Variants in GPC5 observed in about 807,000 individuals in gnomAD.
The protein encoded by GPC5 is glypican-5.
Under a neutral mutation model 53.9 loss-of-function variants are expected in GPC5, and 47 were observed. That is an observed-to-expected ratio of 0.87 (90% confidence interval 0.69 to 1.11). The LOEUF is 1.11. Among genes scored for constraint, GPC5 ranks in the 50% most tolerant of loss-of-function variants. The probability of loss-of-function intolerance (pLI) is 0.00; values close to 1 mark genes in which losing one functional copy is unlikely to be tolerated. For missense variants in GPC5, 748 were observed against 713.1 expected, an observed-to-expected ratio of 1.05 and a Z score of -0.56; for synonymous variants, 286 against 263.3, an observed-to-expected ratio of 1.09 and a Z score of -0.84.
chr13:91,605,229 G>GT (rs2033322736), intron 2 of GPC5, among the ~76,000 whole-genome samples: 1 of 138,254 alleles, frequency 7.2e-6, no homozygotes, highest in South Asian at 2.5e-4. Flanking sequence ...CCCATTGCTT[G>GT]TTTTTCTCAG....
At chr13:91,482,529 C>T (rs746238979) in intron 2 of GPC5, among the ~76,000 whole-genome samples, 3 of 152,182 alleles carry the variant, frequency 2.0e-5, no homozygotes, top group South Asian at 2.1e-4. Flanking sequence ...CATTTAGGAA[C>T]ATGTTAGAAA....
chr13:91,986,548 ATCT>A (rs2040410090), intron 6 of GPC5, among the ~76,000 whole-genome samples: 1 of 152,078 alleles, frequency 6.6e-6, no homozygotes, highest in Admixed American at 6.6e-5. Flanking sequence ...TAAGTCCCAG[ATCT>A]TCTACTCTCT....
intron 7 of GPC5, among the ~76,000 whole-genome samples, chr13:92,662,597 A>C (rs975021090): frequency 2.0e-5 from 3 of 152,220 alleles, no homozygotes; most frequent in Non-Finnish European, 4.4e-5. Flanking sequence ...GAGTGCCTAC[A>C]TGATTTTTTC....
chr13:91,840,640 A>G (rs751569518), intron 5 of GPC5, among the ~76,000 whole-genome samples: 2 of 151,892 alleles, frequency 1.3e-5, no homozygotes, highest in Admixed American at 6.6e-5. Flanking sequence ...TTTCATACTT[A>G]CAATGCATTT....
At chr13:92,748,885 G>A (rs1889309915) in intron 7 of GPC5, among the ~76,000 whole-genome samples, 1 of 152,056 alleles carries the variant, frequency 6.6e-6, no homozygotes, top group Admixed American at 6.6e-5. Flanking sequence ...GATGAAAAGG[G>A]ATGAATGAAT....
At chr13:92,774,520 T>A (rs149792735) in intron 7 of GPC5, among the ~76,000 whole-genome samples, 1 of 152,206 alleles carries the variant, frequency 6.6e-6, no homozygotes, top group Non-Finnish European at 1.5e-5. Context: ...CACTTGCCTA[T>A]GAACTCCTCT....
At chr13:91,798,733 T>C (rs1210866617) in intron 5 of GPC5, among the ~76,000 whole-genome samples, 1 of 152,206 alleles carries the variant, frequency 6.6e-6, no homozygotes, top group Non-Finnish European at 1.5e-5. Flanking sequence ...AGATACCATT[T>C]GACCCAAATT....
intron 7 of GPC5, among the ~76,000 whole-genome samples, chr13:92,706,799 T>C (rs955394957): frequency 2.0e-5 from 3 of 152,176 alleles, no homozygotes; most frequent in African/African-American, 7.2e-5. Context: ...GATTTGTGTT[T>C]CAATGTTACA....
chr13:91,645,221 G>GT (rs1335834860), intron 2 of GPC5, among the ~76,000 whole-genome samples: 5 of 152,046 alleles, frequency 3.3e-5, no homozygotes, highest in East Asian at 1.9e-4. Flanking sequence ...TCAATATCCT[G>GT]TTTTTTTCTA....
intron 2 of GPC5, among the ~76,000 whole-genome samples, chr13:91,549,295 C>T (rs1347237891): frequency 7.0e-6 from 1 of 143,822 alleles, no homozygotes; most frequent in Admixed American, 7.0e-5. Flanking sequence ...AACTATGAAA[C>T]TCATAGTACA....
chr13:92,441,122 G>A (rs1000320948), intron 7 of GPC5, among the ~76,000 whole-genome samples: 3 of 151,908 alleles, frequency 2.0e-5, no homozygotes, highest in Non-Finnish European at 4.4e-5. Context: ...CCCCGGCTGG[G>A]GTGCAGTGGC....
At chr13:92,841,747 T>C (rs1212576626) in intron 7 of GPC5, among the ~76,000 whole-genome samples, 1 of 152,172 alleles carries the variant, frequency 6.6e-6, no homozygotes. Context: ...AGTTGTCATA[T>C]TTCTTGAGTT....
At chr13:92,341,426 GATT>G (rs1305822388) in intron 7 of GPC5, among the ~76,000 whole-genome samples, 6 of 152,034 alleles carry the variant, frequency 3.9e-5, no homozygotes, top group Admixed American at 6.6e-5. Context: ...GTAAGATAAA[GATT>G]ATAGAAGACA....
chr13:92,865,578 T>C (rs907108307), intron 7 of GPC5, among the ~76,000 whole-genome samples: 3 of 152,074 alleles, frequency 2.0e-5, no homozygotes, highest in South Asian at 2.1e-4. Flanking sequence ...TTTTAGACCA[T>C]TGCGCAGCAT....
intron 6 of GPC5, among the ~76,000 whole-genome samples, chr13:91,922,891 A>G (rs976334412): frequency 7.9e-5 from 12 of 152,164 alleles, no homozygotes; most frequent in Middle Eastern, 3.2e-3. Context: ...TCTTACTCCT[A>G]AATGCTCTGG....
chr13:92,361,267 C>T (rs1372722756), intron 7 of GPC5, among the ~76,000 whole-genome samples: 2 of 151,614 alleles, frequency 1.3e-5, no homozygotes, highest in African/African-American at 2.4e-5. Flanking sequence ...TCTTGTGGGT[C>T]GGGTTGGGGG....
intron 7 of GPC5, among the ~76,000 whole-genome samples, chr13:92,693,067 T>C (rs1887460154): frequency 6.6e-6 from 1 of 152,116 alleles, no homozygotes; most frequent in Admixed American, 6.6e-5. Flanking sequence ...TGTCCTGCTG[T>C]CATGTAAGAC....
chr13:92,278,409 G>A (rs1014320234), intron 7 of GPC5, among the ~76,000 whole-genome samples: 3 of 151,906 alleles, frequency 2.0e-5, no homozygotes, highest in Non-Finnish European at 4.4e-5. Context: ...AGACATAGTT[G>A]TGACTAACAA....
intron 5 of GPC5, among the ~76,000 whole-genome samples, chr13:91,762,104 T>C (rs1206036632): frequency 6.6e-6 from 1 of 152,234 alleles, no homozygotes; most frequent in Non-Finnish European, 1.5e-5. Context: ...GTTAATGTTC[T>C]TGAATGCTTC....
Sources: allele counts gnomAD v4.1 joint callset (sites outside exome capture counted in the v4.1 genomes callset), GRCh38; gene constraint gnomAD v4.1.1; transcripts MANE v1.5; gene names NCBI Gene and HGNC (gene_info 2026-07-23, HGNC 2026-07-21).